The following FRMD3 variants were observed in gnomAD, a reference collection of about 807,000 sequenced individuals.
The protein encoded by FRMD3 is FERM domain containing 3, also known as FERM domain-containing protein 3.
Under a neutral mutation model 70.2 loss-of-function variants are expected in FRMD3, and 33 were observed. The observed-to-expected ratio is 0.47, with a 90% CI of 0.36 to 0.63. FRMD3 has a LOEUF of 0.63. FRMD3 is among the 20% of genes least tolerant of loss of function. The probability of loss-of-function intolerance (pLI) is 0.00; values close to 1 mark genes in which losing one functional copy is unlikely to be tolerated. For synonymous variants in FRMD3, 279 were observed against 255.9 expected (o/e 1.09, Z -0.86); for missense variants, 632 against 711.4 (o/e 0.89, Z 1.27).
At chr9:83,289,306 T>G (rs879290203) in intron 13 of FRMD3, among the ~76,000 whole-genome samples, 2 of 149,020 alleles carry the variant, frequency 1.3e-5, no homozygotes, top group Non-Finnish European at 1.5e-5. Flanking sequence ...ATTGTTAAGA[T>G]AGATAACAAA....
At chr9:83,375,817 T>C (rs1436170089) in intron 2 of FRMD3, among the ~76,000 whole-genome samples, 7 of 152,094 alleles carry the variant, frequency 4.6e-5, no homozygotes, top group Non-Finnish European at 8.8e-5. Flanking sequence ...CAAACCCCTA[T>C]GACAAAAGTT....
chr9:83,430,269 C>A (rs1380593978), intron 1 of FRMD3, among the ~76,000 whole-genome samples: 1 of 152,098 alleles, frequency 6.6e-6, no homozygotes, highest in African/African-American at 2.4e-5. Context: ...TTGTCCCACG[C>A]TGGCCCCTCC....
chr9:83,280,319 T>C (rs1020707540), intron 13 of FRMD3, among the ~76,000 whole-genome samples: 2 of 152,298 alleles, frequency 1.3e-5, no homozygotes, highest in East Asian at 3.9e-4. Flanking sequence ...TTGTATTCGG[T>C]GTCCACTCAA....
intron 1 of FRMD3, among the ~76,000 whole-genome samples, chr9:83,441,879 A>C (rs888291649): frequency 6.6e-6 from 1 of 152,048 alleles, no homozygotes; most frequent in Non-Finnish European, 1.5e-5. Flanking sequence ...TGCCAAAAAA[A>C]GGCCAGTATG....
rs1329585340 is a variant in FRMD3, at chr9:83,290,604, C to G, written c.1194G>C (p.Glu398Asp). 2 of 1,614,054 alleles carry G rather than the reference C, an allele frequency of 1.2e-6. No homozygotes were observed. Among genetic ancestry groups the G allele is most frequent in the South Asian group, 1.1e-5 (1 of 91,080 alleles). Reference protein sequence around the residue: ...SEQEEELPLGEGVPLPKEENI... With the variant: ...SEQEEELPLGDGVPLPKEENI... ...TTTGGGATGAAGAGACAGACTTACC[C>G]TCACCCAGAGGAAGTTCTTCTTCTT... is the stretch of plus-strand genomic sequence containing the variant. Residue 398 changes from glutamate (E) to aspartate (D), a missense_variant and splice_region_variant, in exon 13 of 14, where the codon GAG becomes GAC. Glu to Asp is a conservative substitution (Grantham distance 45, BLOSUM62 2). Around this residue, in one of 3 missense-constraint regions of FRMD3, gnomAD observed 418 missense variants for 442.1 expected, o/e 0.95. Coordinates refer to ENST00000304195, the MANE Select transcript of FRMD3 (RefSeq NM_174938.6).
intron 6 of FRMD3, among the ~76,000 whole-genome samples, chr9:83,322,798 C>T (rs1835852769): frequency 1.3e-5 from 2 of 152,198 alleles, no homozygotes; most frequent in South Asian, 2.1e-4. Flanking sequence ...CAAGCTGCCT[C>T]GAACCCTCTC....
chr9:83,357,067 A>G (rs556333760), intron 3 of FRMD3, among the ~76,000 whole-genome samples: 1 of 148,474 alleles, frequency 6.7e-6, no homozygotes, highest in Admixed American at 6.8e-5. Flanking sequence ...ATTCCTTTTT[A>G]TGGCTGAGTA....
At chr9:83,254,396 A>C in intron 13 of FRMD3, among the ~76,000 whole-genome samples, 1 of 151,954 alleles carries the variant, frequency 6.6e-6, no homozygotes, top group East Asian at 1.9e-4. Context: ...AAAATTCCAA[A>C]TACCTTTCAC....
chr9:83,458,130 T>C (rs7032356), intron 1 of FRMD3, among the ~76,000 whole-genome samples: 2,896 of 152,080 alleles, frequency 0.019, 94 homozygotes, highest in African/African-American at 0.065. Context: ...AATGAAAAGA[T>C]TGAAGTGGAT....
chr9:83,361,558 G>A (rs1042957213), intron 3 of FRMD3, among the ~76,000 whole-genome samples: 2 of 152,168 alleles, frequency 1.3e-5, no homozygotes, highest in South Asian at 2.1e-4. Flanking sequence ...CACAAAGGGG[G>A]CTAGAGGTAG....
rs141807358 is a variant in FRMD3, at chr9:83,387,536, C to T, written c.252+2068G>A. On this transcript the variant is annotated intron_variant, in intron 2 of 13. Transcript: ENST00000304195. ...AGCTAGAATTACGTCTGCAGGCTGG[C>T]CATTTATCATTTAGAATTGAATTTT... 3.0e-3 allele frequency among the ~76,000 whole-genome samples: 455 copies of T among 152,272 alleles called. 6 individuals carry two copies. Among genetic ancestry groups the T allele is most frequent in the Admixed American group, 0.023 (350 of 15,280 alleles).
chr9:83,290,564 C>G (rs1184123034), intron 13 of FRMD3, 39 bp downstream of exon 13: 1 of 1,612,836 alleles, frequency 6.2e-7, no homozygotes, highest in African/African-American at 1.3e-5. Flanking sequence ...CCAGAGGAAG[C>G]CTGCAGCACC....
intron 10 of FRMD3, among the ~76,000 whole-genome samples, chr9:83,300,344 T>C (rs551792072): frequency 6.6e-6 from 1 of 152,338 alleles, no homozygotes; most frequent in Non-Finnish European, 1.5e-5. Flanking sequence ...GTGCAAGTGG[T>C]GGTGGATATA....
chr9:83,515,258 G>A (rs182473688), intron 1 of FRMD3, among the ~76,000 whole-genome samples: 204 of 152,268 alleles, frequency 1.3e-3, no homozygotes, highest in Non-Finnish European at 2.2e-3. Flanking sequence ...AGAATAACAA[G>A]TTTAGAGAAT....
chr9:83,329,357 C>T (rs182006883), intron 6 of FRMD3, among the ~76,000 whole-genome samples: 144 of 152,252 alleles, frequency 9.5e-4, no homozygotes, highest in African/African-American at 1.7e-3. Context: ...AAAGAGAAAA[C>T]TCATCTTAAG....
chr9:83,552,146 T>C, the FRMD3 span, among the ~76,000 whole-genome samples: 654 of 152,366 alleles, frequency 4.3e-3, 6 homozygotes, highest in African/African-American at 0.015. Flanking sequence ...GCCTTAGCTG[T>C]GTCCCACAGA....
intron 1 of FRMD3, among the ~76,000 whole-genome samples, chr9:83,447,274 C>T (rs998418711): frequency 6.6e-6 from 1 of 152,330 alleles, no homozygotes; most frequent in Non-Finnish European, 1.5e-5. Context: ...CTGCCCACCT[C>T]GGCCTCCCAA....
At chr9:83,372,325 A>C (rs1172488698) in intron 3 of FRMD3, among the ~76,000 whole-genome samples, 1 of 151,178 alleles carries the variant, frequency 6.6e-6, no homozygotes, top group Non-Finnish European at 1.5e-5. Flanking sequence ...GTTGTTATCC[A>C]AGCCAACTTC....
At chr9:83,374,135 C>G (rs1004118047) in intron 2 of FRMD3, among the ~76,000 whole-genome samples, 1 of 152,040 alleles carries the variant, frequency 6.6e-6, no homozygotes, top group African/African-American at 2.4e-5. Flanking sequence ...AACAGTGAAG[C>G]CAACCATGCA....
Sources: gnomAD v4.1 joint callset for allele counts (sites outside exome capture counted in the v4.1 genomes callset) on GRCh38, gnomAD v4.1.1 for gene constraint, gnomAD v4.1.1 regional missense constraint, MANE v1.5 for transcripts, NCBI Gene and HGNC (gene_info 2026-07-23, HGNC 2026-07-21) for gene names.